The following ZFHX4 variants were observed in gnomAD, a reference collection of about 807,000 sequenced individuals.
ZFHX4 encodes the protein zinc finger homeobox 4.
Under a neutral mutation model 267.6 loss-of-function variants are expected in ZFHX4, and 56 were observed. The ratio of observed to expected loss-of-function variants is 0.21; its 90% CI spans 0.17 to 0.26. The LOEUF is 0.26. ZFHX4 is among the 10% of genes least tolerant of loss of function. The pLI, the probability that ZFHX4 is intolerant of heterozygous loss-of-function variation, is 1.00. For missense variants in ZFHX4, 4,332 were observed against 4,420.0 expected (o/e 0.98, Z 0.56); for synonymous variants, 1,778 against 1,665.6 (o/e 1.07, Z -1.64).
At chr8:76,718,374 T>A (rs1014358068) in intron 3 of ZFHX4, among the ~76,000 whole-genome samples, 2 of 152,194 alleles carry the variant, frequency 1.3e-5, no homozygotes, top group African/African-American at 4.8e-5. Context: ...TCCTGTGATA[T>A]CTTTTGAGAA....
intron 1 of ZFHX4, among the ~76,000 whole-genome samples, chr8:76,695,259 AAAAC>A (rs1807927786): frequency 1.3e-5 from 2 of 152,224 alleles, no homozygotes; most frequent in African/African-American, 4.8e-5. Context: ...CATCAATTTC[AAAAC>A]TGAAGTCATA....
chr8:76,862,930 C>A (rs1812908380), intron 10 of ZFHX4, among the ~76,000 whole-genome samples, 164 bp from the exon 11 acceptor site: 1 of 151,818 alleles, frequency 6.6e-6, no homozygotes, highest in Non-Finnish European at 1.5e-5. Flanking sequence ...CAGGAAAGCC[C>A]CATGTTGAAG....
At chr8:76,724,749 A>T (rs142550037) in intron 3 of ZFHX4, among the ~76,000 whole-genome samples, 1 of 152,218 alleles carries the variant, frequency 6.6e-6, no homozygotes, top group African/African-American at 2.4e-5. Context: ...TCCTTTGTAC[A>T]TGAAGATATC....
intron 4 of ZFHX4, among the ~76,000 whole-genome samples, chr8:76,796,654 C>A (rs536496570): frequency 6.6e-6 from 1 of 152,274 alleles, no homozygotes; most frequent in East Asian, 1.9e-4. Flanking sequence ...CTGGAACCAA[C>A]TGTAATGGTC....
intron 4 of ZFHX4, among the ~76,000 whole-genome samples, chr8:76,803,928 A>T (rs1811182558): frequency 6.6e-6 from 1 of 152,158 alleles, no homozygotes; most frequent in African/African-American, 2.4e-5. Context: ...GATTTGCCCT[A>T]GATTTTGAAA....
At chr8:76,803,035 G>A (rs1005021231) in intron 4 of ZFHX4, among the ~76,000 whole-genome samples, 9 of 152,178 alleles carry the variant, frequency 5.9e-5, no homozygotes, top group South Asian at 2.1e-4. Context: ...CTCTGAGACC[G>A]AAAAGTGTGA....
At chr8:76,755,860 C>T (rs1809746648) in intron 3 of ZFHX4, among the ~76,000 whole-genome samples, 1 of 152,072 alleles carries the variant, frequency 6.6e-6, no homozygotes, top group Non-Finnish European at 1.5e-5. Flanking sequence ...CTATAATGAT[C>T]TCATTTTTTG....
intron 1 of ZFHX4, among the ~76,000 whole-genome samples, chr8:76,690,148 G>A (rs1807788053): frequency 6.6e-6 from 1 of 152,028 alleles, no homozygotes; most frequent in Non-Finnish European, 1.5e-5. Context: ...TACCTCTAAA[G>A]ACAACATTTA....
At position 76,705,243 on chromosome 8, in the gene ZFHX4, C is replaced by A. The variant is rs367633059; in HGVS notation, c.1155C>A (p.Ser385Arg). The change falls in exon 2 of 11, where the codon AGC becomes AGA. Residue 385 changes from serine to arginine, a missense_variant. Coordinates refer to ENST00000651372, the MANE Select transcript of ZFHX4 (RefSeq NM_024721.5). ...LPAGFAFLKG[S>R]ASTSSSAEQP... is the part of the protein sequence containing the mutation. ...CTGGCTTTGCCTTCTTAAAAGGAAG[C>A]GCGAGCACCTCGAGCTCAGCAGAGC... 1 of 1,613,926 alleles carries A rather than the reference C, an allele frequency of 6.2e-7. No individual in the cohort carries two copies. The highest frequency in any genetic ancestry group is 2.2e-5 in the East Asian group (1 of 44,874).
intron 10 of ZFHX4, among the ~76,000 whole-genome samples, chr8:76,862,339 GT>G (rs756076213): frequency 6.6e-6 from 1 of 152,190 alleles, no homozygotes; most frequent in Non-Finnish European, 1.5e-5. Flanking sequence ...GAAGAAGCAT[GT>G]TTTGGGGGTG....
At chr8:76,830,136 G>A (rs547517808) in intron 4 of ZFHX4, among the ~76,000 whole-genome samples, 3 of 152,208 alleles carry the variant, frequency 2.0e-5, no homozygotes, top group African/African-American at 4.8e-5. Flanking sequence ...TCAGTACTTG[G>A]CACAGAGCAG....
intron 4 of ZFHX4, among the ~76,000 whole-genome samples, chr8:76,821,732 G>T (rs931293632): frequency 1.3e-5 from 2 of 152,104 alleles, no homozygotes; most frequent in African/African-American, 2.4e-5. Context: ...CTGACTAAAA[G>T]TTGGCCTGCT....
At chr8:76,799,249 A>T (rs566935505) in intron 4 of ZFHX4, among the ~76,000 whole-genome samples, 59 of 152,172 alleles carry the variant, frequency 3.9e-4, no homozygotes, top group Non-Finnish European at 7.2e-4. Context: ...TCCTTCTGTC[A>T]TTATTTTCAG....
intron 2 of ZFHX4, 116 bp downstream of exon 2, chr8:76,706,794 G>C (rs1449991869): frequency 8.6e-7 from 1 of 1,165,064 alleles, no homozygotes; most frequent in Admixed American, 3.2e-5. Context: ...TTACTAGAAA[G>C]GACTTTCTCT....
intron 3 of ZFHX4, among the ~76,000 whole-genome samples, chr8:76,711,767 A>T (rs1007446928): frequency 1.3e-5 from 2 of 152,170 alleles, no homozygotes; most frequent in African/African-American, 4.8e-5. Flanking sequence ...AAAAGATATA[A>T]TGAAAACCAC....
chr8:76,751,837 T>C (rs1642030271), intron 3 of ZFHX4, among the ~76,000 whole-genome samples: 1 of 152,190 alleles, frequency 6.6e-6, no homozygotes, highest in African/African-American at 2.4e-5. Flanking sequence ...GCATCATAAG[T>C]ACTAATTTCA....
At chr8:76,751,827 G>T (rs1252349160) in intron 3 of ZFHX4, among the ~76,000 whole-genome samples, 27 of 152,124 alleles carry the variant, frequency 1.8e-4, no homozygotes. Context: ...ACGATGATGA[G>T]CATCATAAGT....
chr8:76,822,452 C>CTTTTTTTTTTTTTTTTTTTTTTTTT (rs5892566), intron 4 of ZFHX4, among the ~76,000 whole-genome samples: 4 of 116,150 alleles, frequency 3.4e-5, no homozygotes, highest in African/African-American at 3.7e-5. Context: ...GTGTCTACCT[C>CTTTTTTTTTTTTTTTTTTTTTTTTT]TTTTTTTTTT....
Position 76,778,410 on chromosome 8 carries a change from T to A in ZFHX4, c.3296T>A (p.Phe1099Tyr), listed in dbSNP as rs760129739. The change falls in exon 4 of 11, where the codon TTT becomes TAT. Residue 1099 changes from phenylalanine to tyrosine, a missense_variant. This residue lies in a region of ZFHX4 where 1,371 missense variants were observed against 1,423.1 expected (regional missense o/e 0.96). Transcript: ENST00000651372. ...PEEDNLSEIF[F>Y]VKDCPPNELE... ...GAGGACAACCTCAGTGAGATCTTTTTTGTTAAAGATTGCCCACCAAATGAG... is the reference window on the plus strand; with the variant it reads ...GAGGACAACCTCAGTGAGATCTTTTATGTTAAAGATTGCCCACCAAATGAG... 1.2e-6 allele frequency: 2 copies of A among 1,613,746 alleles called. No individual in the cohort carries two copies. The highest frequency in any genetic ancestry group is 1.7e-6 in the Non-Finnish European group (2 of 1,179,786).
Sources: allele counts gnomAD v4.1 joint callset (sites outside exome capture counted in the v4.1 genomes callset), GRCh38; gene constraint gnomAD v4.1.1; regional missense constraint gnomAD v4.1.1; transcripts MANE v1.5; gene names NCBI Gene and HGNC (gene_info 2026-07-23, HGNC 2026-07-21).